The following RIC1 variants were observed in gnomAD, a reference collection of about 807,000 sequenced individuals.
RIC1 encodes the protein guanine nucleotide exchange factor subunit RIC1.
Under a neutral mutation model 169.0 loss-of-function variants are expected in RIC1, and 88 were observed. The observed-to-expected ratio is 0.52, with a 90% confidence interval of 0.44 to 0.62. The LOEUF is 0.62. Ranked by LOEUF, RIC1 falls within the 20% of genes least tolerant of loss-of-function variation. The pLI is 0.00. For missense variants in RIC1, 1,877 were observed against 1,725.5 expected (o/e 1.09, Z -1.56); for synonymous variants, 790 against 601.5 (o/e 1.31, Z -4.59).
chr9:5,769,037 C>T lies in RIC1; in HGVS notation c.3205C>T (p.Arg1069Cys), dbSNP rs762704958. The change falls in exon 22 of 26, where the codon CGC becomes TGC. Residue 1069 changes from arginine to cysteine, a missense_variant. Coordinates refer to ENST00000414202, the MANE Select transcript of RIC1 (RefSeq NM_020829.4). The part of the protein sequence containing the change: ...IDMMLWRHAR[R>C]LLEDVRLKDL... ...CATGATGCTCTGGAGACATGCTCGG[C>T]GCCTCTTAGAAGATGTGAGGTTAAA... is the stretch of plus-strand genomic sequence containing the variant. The T allele has an allele frequency of 9.9e-6, 16 of 1,613,892 alleles. No homozygotes were observed. The Middle Eastern group carries it at 4.9e-4, about 50-fold the overall frequency.
chr9:5,680,837 T>C, intron 2 of RIC1, among the ~76,000 whole-genome samples: 1 of 128,964 alleles, frequency 7.8e-6, no homozygotes, highest in African/African-American at 3.2e-5. Flanking sequence ...TTTTTTTTTT[T>C]TTTTTTTGAG....
chr9:5,751,077 A>T (rs2131024255), intron 12 of RIC1, among the ~76,000 whole-genome samples: 1 of 151,008 alleles, frequency 6.6e-6, no homozygotes, highest in African/African-American at 2.5e-5. Context: ...ATTATTAGAA[A>T]CTCTTTGTGT....
rs750142894 is a variant in RIC1, at chr9:5,753,218, G to C, written c.1471G>C (p.Glu491Gln). The change falls in exon 13 of 26, where the codon GAG becomes CAG. Residue 491 changes from glutamate (E) to glutamine (Q), a missense_variant. This residue lies in a region of RIC1 where 1,104 missense variants were observed against 992.0 expected (regional missense o/e 1.11). Transcript: ENST00000414202. Reference protein sequence around the residue: ...HVVQISSTYLESNWPIRFSAI... With the variant: ...HVVQISSTYLQSNWPIRFSAI... ...TCTATAGATTTCCAGCACCTATCTA[G>C]AGAGCAATTGGCCTATACGGGTGAG... 11 of 1,613,470 alleles carry C rather than the reference G, an allele frequency of 6.8e-6. No individual in the cohort carries two copies. The South Asian group carries it at 8.8e-5, about 13-fold the overall frequency.
chr9:5,736,037 A>G (rs1239342149), intron 7 of RIC1, among the ~76,000 whole-genome samples: 1 of 152,248 alleles, frequency 6.6e-6, no homozygotes, highest in Non-Finnish European at 1.5e-5. Context: ...TTTAAAGAAT[A>G]CAAGCACTAT....
intron 3 of RIC1, among the ~76,000 whole-genome samples, chr9:5,712,679 A>G (rs984816159): frequency 1.3e-5 from 2 of 152,250 alleles, no homozygotes; most frequent in African/African-American, 4.8e-5. Flanking sequence ...ATAAAATTTA[A>G]CTTTAAAACC....
At chr9:5,719,874 C>T (rs1823483919) in intron 4 of RIC1, among the ~76,000 whole-genome samples, 1 of 152,096 alleles carries the variant, frequency 6.6e-6, no homozygotes, top group South Asian at 2.1e-4. Flanking sequence ...GGTTTCTCTA[C>T]CTCTTTTTCT....
At position 5,776,191 on chromosome 9, in the gene RIC1, C is replaced by A. The variant is rs1563733913; in HGVS notation, c.*1945C>A. 1 of 152,104 alleles carries A rather than the reference C, an allele frequency of 6.6e-6. No homozygotes were observed. The highest frequency in any genetic ancestry group is 6.5e-5 in the Admixed American group (1 of 15,276). 9.4% of individuals were successfully genotyped at this position (152,104 alleles called of 1,614,324 possible). ...GGGTTAGGCCGTGAATGAATCATTT[C>A]TTTTATACAATATTCTTTTACAACT... On this transcript the variant is annotated 3_prime_UTR_variant, in exon 26 of 26. Coordinates refer to ENST00000414202, the MANE Select transcript of RIC1 (RefSeq NM_020829.4).
chr9:5,704,237 A>C (rs1822417849), intron 3 of RIC1, among the ~76,000 whole-genome samples: 1 of 151,172 alleles, frequency 6.6e-6, no homozygotes, highest in Non-Finnish European at 1.5e-5. Context: ...TATTTTTTTA[A>C]AGAAAGCTTC....
chr9:5,677,139 C>T (rs1280967552), intron 2 of RIC1, among the ~76,000 whole-genome samples: 1 of 152,198 alleles, frequency 6.6e-6, no homozygotes, highest in African/African-American at 2.4e-5. Context: ...TACATTCCCG[C>T]TAGCAGTGTA....
chr9:5,702,897 G>A (rs1456126373), intron 3 of RIC1, among the ~76,000 whole-genome samples: 1 of 152,104 alleles, frequency 6.6e-6, no homozygotes, highest in Admixed American at 6.5e-5. Flanking sequence ...ACTATCACAA[G>A]AACAGCACCA....
chr9:5,778,133 G>T (rs186276938), downstream of RIC1, among the ~76,000 whole-genome samples: 6 of 152,216 alleles, frequency 3.9e-5, no homozygotes, highest in East Asian at 1.2e-3. Context: ...TTTAACAGTG[G>T]ATTATAATTT....
In RIC1 at chr9:5,753,518, A is replaced by T. The variant is rs773798107; in HGVS notation, c.1492-18A>T. 33 of 1,249,462 alleles carry T rather than the reference A, an allele frequency of 2.6e-5. No homozygotes were observed. Among genetic ancestry groups the T allele is most frequent in the Middle Eastern group, 4.0e-4 (2 of 4,982 alleles). The allele number at this position is 1,249,462 out of a possible 1,614,324, so 77.4% of individuals were successfully genotyped here. A position where few individuals can be genotyped will look rare whatever the true frequency, so the allele number is the denominator to read the frequency against. ...TATAGGTTTGCAAGGAAAAGTTCTT[A>T]TTTTTTTTTTTAAACAGTTTTCAGC... On this transcript the variant is annotated intron_variant, in intron 13 of 25. Transcript: ENST00000414202.
intron 10 of RIC1, 141 bp downstream of exon 10, chr9:5,743,878 T>G: frequency 1.6e-6 from 1 of 633,904 alleles, no homozygotes; most frequent in Admixed American, 2.7e-5. Context: ...TGGCAGATCA[T>G]AGCTCACTGC....
chr9:5,748,813 A>ATCAT (rs1368549391), intron 12 of RIC1: 1 of 152,512 alleles, frequency 6.6e-6, no homozygotes, highest in African/African-American at 2.4e-5. Flanking sequence ...GCATCTATGA[A>ATCAT]GTACCCCATA....
At chr9:5,761,777 C>A (rs760670774) in intron 17 of RIC1, among the ~76,000 whole-genome samples, 12 of 152,144 alleles carry the variant, frequency 7.9e-5, no homozygotes, top group Admixed American at 7.2e-4. Context: ...CAGGGCTGCT[C>A]AAAGTTTAAT....
At chr9:5,769,839 A>G (rs1827076249) in intron 22 of RIC1, among the ~76,000 whole-genome samples, 1 of 152,212 alleles carries the variant, frequency 6.6e-6, no homozygotes, top group South Asian at 2.1e-4. Flanking sequence ...TCAACATAAT[A>G]AAGTTTTGCC....
intron 2 of RIC1, among the ~76,000 whole-genome samples, chr9:5,686,984 TTTG>T: frequency 6.6e-6 from 1 of 152,340 alleles, no homozygotes; most frequent in South Asian, 2.1e-4. Flanking sequence ...TAGAATTTTC[TTTG>T]TGGAAAGGAT....
intron 4 of RIC1, among the ~76,000 whole-genome samples, chr9:5,715,659 A>G (rs1823190044): frequency 6.6e-6 from 1 of 152,236 alleles, no homozygotes; most frequent in South Asian, 2.1e-4. Flanking sequence ...TATAGGGGTA[A>G]GAGTACTATC....
rs1825911637 is a variant in RIC1 at position 5,754,867 on chromosome 9, C to G, written c.1629C>G (p.Gly543=). 1 of 1,572,790 alleles carries G rather than the reference C, an allele frequency of 6.4e-7. No homozygotes were observed. ...AGCAAAATATGATCGTGACAGGTGGCTTAGCCTGGTGGAATGATTTTATGG... is the reference window on the plus strand; with the variant it reads ...AGCAAAATATGATCGTGACAGGTGGGTTAGCCTGGTGGAATGATTTTATGG... ...TQEQNMIVTG[G]LAWWNDFMVL... is the part of the protein sequence containing the mutation. The change falls in exon 15 of 26, where the codon GGC becomes GGG. Residue 543 remains glycine (G), a synonymous_variant. Coordinates refer to ENST00000414202, the MANE Select transcript of RIC1 (RefSeq NM_020829.4).
Sources: gnomAD v4.1 joint callset for allele counts (sites outside exome capture counted in the v4.1 genomes callset) on GRCh38, gnomAD v4.1.1 for gene constraint, gnomAD v4.1.1 regional missense constraint, MANE v1.5 for transcripts, NCBI Gene and HGNC (gene_info 2026-07-23, HGNC 2026-07-21) for gene names.